Variants in CORO2B observed in about 807,000 individuals in gnomAD.
CORO2B encodes coronin 2B.
In CORO2B, 26 loss-of-function variants were observed where a neutral mutation model predicts 58.8. That is an observed-to-expected ratio of 0.44 (90% confidence interval 0.32 to 0.61). CORO2B has a LOEUF of 0.61. Ranked by LOEUF, CORO2B falls within the 20% of genes least tolerant of loss-of-function variation. The probability of loss-of-function intolerance (pLI) is 0.04; values close to 1 mark genes in which losing one functional copy is unlikely to be tolerated. For synonymous variants in CORO2B, 242 were observed against 253.8 expected, an observed-to-expected ratio of 0.95 and a Z score of 0.44; for missense variants, 460 against 645.1, an observed-to-expected ratio of 0.71 and a Z score of 3.11.
intron 2 of CORO2B, among the ~76,000 whole-genome samples, chr15:68,646,960 A>G (rs759164427): frequency 4.6e-5 from 7 of 152,176 alleles, no homozygotes; most frequent in Admixed American, 3.3e-4. Context: ...CCATCCATCC[A>G]GGCCTGCAGG....
At chr15:68,555,417 G>A in the CORO2B span, among the ~76,000 whole-genome samples, 1 of 152,188 alleles carries the variant, frequency 6.6e-6, no homozygotes, top group African/African-American at 2.4e-5. Context: ...AACCACTTAT[G>A]TCAAAGCCAT....
chr15:68,681,886 A>G (rs938789268), intron 2 of CORO2B, among the ~76,000 whole-genome samples: 2 of 152,178 alleles, frequency 1.3e-5, no homozygotes. Flanking sequence ...CCCCAACCCC[A>G]GTCCTCTTAT....
At chr15:68,535,596 A>G in the CORO2B span, among the ~76,000 whole-genome samples, 2 of 152,150 alleles carry the variant, frequency 1.3e-5, no homozygotes, top group Non-Finnish European at 2.9e-5. Context: ...CTCTCGTAGG[A>G]CATTTCTAGA....
chr15:68,631,312 T>C (rs1376736738), intron 1 of CORO2B, among the ~76,000 whole-genome samples: 1 of 152,196 alleles, frequency 6.6e-6, no homozygotes, highest in East Asian at 1.9e-4. Flanking sequence ...AAGGAGGCAG[T>C]GTTGCCCCCA....
At chr15:68,605,376 C>G (rs187258449) in intron 1 of CORO2B, among the ~76,000 whole-genome samples, 136 of 152,258 alleles carry the variant, frequency 8.9e-4, no homozygotes, top group Non-Finnish European at 8.4e-4. Flanking sequence ...GGGAAAAACT[C>G]TATGCATCAA....
At chr15:68,601,614 G>T (rs1427832526) in intron 1 of CORO2B, among the ~76,000 whole-genome samples, 1 of 152,204 alleles carries the variant, frequency 6.6e-6, no homozygotes, top group African/African-American at 2.4e-5. Context: ...CCTGGAAGCA[G>T]AGATGTGAAG....
At chr15:68,615,269 CA>C (rs1900327259) in intron 1 of CORO2B, among the ~76,000 whole-genome samples, 1 of 152,276 alleles carries the variant, frequency 6.6e-6, no homozygotes, top group African/African-American at 2.4e-5. Flanking sequence ...ACCCATGAGA[CA>C]GGACTAATGT....
chr15:68,688,880 A>G (rs1231205412), intron 2 of CORO2B, among the ~76,000 whole-genome samples: 2 of 152,148 alleles, frequency 1.3e-5, no homozygotes, highest in East Asian at 3.9e-4. Flanking sequence ...TCTCCGGAGA[A>G]GGTGCCCTAC....
Position 68,695,584 on chromosome 15 carries a change from A to G in CORO2B, c.333+328A>G, listed in dbSNP as rs569239252. On this transcript the variant is annotated intron_variant, in intron 3 of 11. Coordinates refer to ENST00000261861, the MANE Select transcript of CORO2B (RefSeq NM_006091.5). Reference sequence around the variant, plus strand: ...AAAGAAGGGCAAGGGAAAGAATATGAACAAGGAGGGAGGGAGAAAAGGAAG... The same window carrying G: ...AAAGAAGGGCAAGGGAAAGAATATGGACAAGGAGGGAGGGAGAAAAGGAAG... Among the ~76,000 whole-genome samples the G allele has an allele frequency of 2.3e-4, 35 of 152,298 alleles. No individual in the cohort carries two copies. In the South Asian group the frequency reaches 3.1e-3, roughly 14 times the overall value.
chr15:68,554,331 A>T, the CORO2B span, among the ~76,000 whole-genome samples: 1 of 152,098 alleles, frequency 6.6e-6, no homozygotes, highest in Non-Finnish European at 1.5e-5. Flanking sequence ...AATACTGAGC[A>T]GATTTCCTAC....
At position 68,669,065 on chromosome 15, in the gene CORO2B, GAGAA is replaced by G. The variant is rs202006140; in HGVS notation, c.216+23709_216+23712del. Among the ~76,000 whole-genome samples, 1,400 of 146,388 alleles carry G rather than the reference GAGAA, an allele frequency of 9.6e-3. 28 individuals are homozygous for G. Among genetic ancestry groups the G allele is most frequent in the African/African-American group, 0.034 (1,297 of 38,164 alleles). On this transcript the variant is annotated intron_variant, in intron 2 of 11. Coordinates refer to ENST00000261861, the MANE Select transcript of CORO2B (RefSeq NM_006091.5). ...TGCACTCCTCCATCAGAAAGAAAGA[GAGAA>G]AGAGAGAGAGAGAGAGAGAAAGAAG...
rs2140326446 is a variant in CORO2B, at chr15:68,710,266, A to AG, written c.334-462dup. Among the ~76,000 whole-genome samples, 1 of 152,292 alleles carries AG rather than the reference A, an allele frequency of 6.6e-6. No homozygotes were observed. The highest frequency in any genetic ancestry group is 2.1e-4 in the South Asian group (1 of 4,820). On this transcript the variant is annotated intron_variant, in intron 3 of 11. Coordinates refer to ENST00000261861, the MANE Select transcript of CORO2B (RefSeq NM_006091.5). The surrounding 1 kb of genome is among the most constrained non-coding windows in gnomAD (Gnocchi z 4.1). ...CTCCCAGATGCAGTTCCCCCTGCCC[A>AG]GGGGTCCATCCTGGGTGGGGGACAC...
chr15:68,542,052 G>T, the CORO2B span, among the ~76,000 whole-genome samples: 1 of 152,310 alleles, frequency 6.6e-6, no homozygotes, highest in African/African-American at 2.4e-5. Flanking sequence ...TTTGTTTGTT[G>T]CGTCTTAGGG....
chr15:68,599,735 C>T (rs113883607), intron 1 of CORO2B, among the ~76,000 whole-genome samples: 113 of 152,306 alleles, frequency 7.4e-4, no homozygotes, highest in African/African-American at 2.6e-3. Context: ...AGTAGTGTGC[C>T]CTCCCCAGGC....
At chr15:68,536,683 C>T in the CORO2B span, among the ~76,000 whole-genome samples, 1 of 152,210 alleles carries the variant, frequency 6.6e-6, no homozygotes, top group Admixed American at 6.5e-5. Context: ...TTAGCTGTGA[C>T]ATGGCCAGCT....
chr15:68,636,208 AG>A (rs1566991289), intron 1 of CORO2B, among the ~76,000 whole-genome samples: 1 of 152,218 alleles, frequency 6.6e-6, no homozygotes, highest in Admixed American at 6.5e-5. Context: ...GCCAGGAGCA[AG>A]GGGAGCACAG....
chr15:68,554,330 C>G, the CORO2B span, among the ~76,000 whole-genome samples: 3 of 152,086 alleles, frequency 2.0e-5, no homozygotes, highest in African/African-American at 7.2e-5. Flanking sequence ...TAATACTGAG[C>G]AGATTTCCTA....
At chr15:68,590,300 C>T (rs1389533803) in intron 1 of CORO2B, among the ~76,000 whole-genome samples, 1 of 151,988 alleles carries the variant, frequency 6.6e-6, no homozygotes, top group African/African-American at 2.4e-5. Flanking sequence ...ACTCAGTGGG[C>T]CTTTGCTTTT....
chr15:68,580,551 G>T lies in CORO2B; in HGVS notation c.15+1274G>T, dbSNP rs575850193. On this transcript the variant is annotated intron_variant, in intron 1 of 11. Coordinates refer to ENST00000261861, the MANE Select transcript of CORO2B (RefSeq NM_006091.5). The stretch of plus-strand genomic sequence containing the variant: ...AACTCCAAACTTTGCCATTGGCCCT[G>T]GTTCTGGGACTTGGGAGCATTGTGA... Among the ~76,000 whole-genome samples, 232 of 152,316 alleles carry T rather than the reference G, an allele frequency of 1.5e-3. 2 individuals carry two copies. The highest frequency in any genetic ancestry group is 5.4e-3 in the African/African-American group (225 of 41,568).
Sources: allele counts gnomAD v4.1 joint callset (sites outside exome capture counted in the v4.1 genomes callset), GRCh38; gene constraint gnomAD v4.1.1; non-coding constraint Gnocchi (gnomAD v3.1); transcripts MANE v1.5; gene names NCBI Gene and HGNC (gene_info 2026-07-23, HGNC 2026-07-21).